Variants in TTC7B observed in about 807,000 individuals in gnomAD.
TTC7B encodes the protein tetratricopeptide repeat protein 7B.
Under a neutral mutation model 106.8 loss-of-function variants are expected in TTC7B, and 28 were observed. That is an observed-to-expected ratio of 0.26 (90% CI 0.19 to 0.36). The LOEUF (loss-of-function observed/expected upper bound fraction) is 0.36. Among genes scored for constraint, TTC7B ranks in the 10% least tolerant of loss-of-function variants. The pLI is 1.00. For synonymous variants in TTC7B, 405 were observed against 430.6 expected, an observed-to-expected ratio of 0.94 and a Z score of 0.74; for missense variants, 862 against 1,076.4, an observed-to-expected ratio of 0.80 and a Z score of 2.79.
intron 12 of TTC7B, 21 bp downstream of exon 12, chr14:90,654,972 T>G: frequency 6.5e-7 from 1 of 1,547,930 alleles, no homozygotes; most frequent in Non-Finnish European, 8.9e-7. Flanking sequence ...TCAGCAGCTG[T>G]GGGGGTGGGA....
In TTC7B at chr14:90,689,636, G is replaced by T. The variant is rs767851033; in HGVS notation, c.854C>A (p.Pro285Gln). The change falls in exon 7 of 20, where the codon CCA (proline) becomes CAA (glutamine). Residue 285 changes from proline to glutamine, a missense_variant. Coordinates refer to ENST00000328459, the MANE Select transcript of TTC7B (RefSeq NM_001010854.2). ...EQSYWNPLEDPPCQSPLDDPL... is the reference protein window; with the variant it reads ...EQSYWNPLEDQPCQSPLDDPL... ...ATCGTCCAGAGGTGACTGGCACGGT[G>T]GATCCTCCAGAGGGTTCCAGTAGCT... 67 of 1,614,026 alleles carry T rather than the reference G, an allele frequency of 4.2e-5. No homozygotes were observed. Among genetic ancestry groups the T allele is most frequent in the Non-Finnish European group, 4.9e-5 (58 of 1,180,006 alleles).
chr14:90,776,747 G>A (rs1891043030), intron 3 of TTC7B, among the ~76,000 whole-genome samples: 1 of 152,088 alleles, frequency 6.6e-6, no homozygotes, highest in South Asian at 2.1e-4. Context: ...AGGAACATGG[G>A]TGTCAGACTG....
At chr14:90,747,253 C>G (rs1333994926) in intron 3 of TTC7B, among the ~76,000 whole-genome samples, 1 of 152,208 alleles carries the variant, frequency 6.6e-6, no homozygotes, top group Admixed American at 6.5e-5. Context: ...AAAGTACTGT[C>G]ACACTCCGTT....
chr14:90,735,890 A>ATG (rs1183681425), intron 4 of TTC7B, among the ~76,000 whole-genome samples: 3 of 152,142 alleles, frequency 2.0e-5, no homozygotes, highest in Non-Finnish European at 4.4e-5. Context: ...ATTTACCTGA[A>ATG]AGTATTAGAA....
chr14:90,700,396 G>A (rs748439309), intron 5 of TTC7B, among the ~76,000 whole-genome samples: 13 of 152,030 alleles, frequency 8.6e-5, no homozygotes, highest in Non-Finnish European at 1.6e-4. Context: ...TTTCATTTGA[G>A]TTTATATCTG....
At position 90,676,601 on chromosome 14, in the gene TTC7B, A is replaced by G. The variant is rs1351917553; in HGVS notation, c.1074T>C (p.Ser358=). The G allele has an allele frequency of 3.1e-6, 5 of 1,614,160 alleles. No individual in the cohort carries two copies. Among genetic ancestry groups the G allele is most frequent in the Non-Finnish European group, 4.2e-6 (5 of 1,180,028 alleles). Residue 358 remains serine, a synonymous_variant, in exon 9 of 20, where the codon AGT becomes AGC. Transcript: ENST00000328459. The stretch of plus-strand genomic sequence containing the variant: ...CATAGACCACAGATGCACTCTGCAG[A>G]CTGATGAGGCGGTCACTCTTGTGTT... ...IPEHKSDRLI[S]LQSASVVYDL...
At chr14:90,574,474 C>G (rs1891173895) in intron 19 of TTC7B, among the ~76,000 whole-genome samples, 1 of 152,170 alleles carries the variant, frequency 6.6e-6, no homozygotes, top group African/African-American at 2.4e-5. Context: ...CTGCTCCCTT[C>G]TCACTACACA....
chr14:90,672,169 G>A (rs897126459), intron 9 of TTC7B, among the ~76,000 whole-genome samples: 4 of 152,226 alleles, frequency 2.6e-5, no homozygotes, highest in African/African-American at 9.6e-5. Flanking sequence ...GGGGACAAGA[G>A]AAGGAAGGAA....
intron 19 of TTC7B, among the ~76,000 whole-genome samples, chr14:90,573,400 A>G (rs962538035): frequency 1.1e-3 from 113 of 104,948 alleles, no homozygotes; most frequent in Middle Eastern, 0.017. Context: ...TCCGGCTCAC[A>G]GGCCCTCTCC....
intron 15 of TTC7B, among the ~76,000 whole-genome samples, chr14:90,629,549 C>G (rs1884600073): frequency 6.6e-6 from 1 of 152,202 alleles, no homozygotes; most frequent in South Asian, 2.1e-4. Context: ...ATTGCACAGA[C>G]AGGTATTAAT....
chr14:90,776,591 G>A (rs955363084), intron 3 of TTC7B, among the ~76,000 whole-genome samples: 4 of 152,148 alleles, frequency 2.6e-5, no homozygotes, highest in African/African-American at 4.8e-5. Context: ...GAGGAAACCC[G>A]GCAAAGGTGA....
chr14:90,558,309 T>C (rs1890411126), intron 19 of TTC7B, among the ~76,000 whole-genome samples: 1 of 152,218 alleles, frequency 6.6e-6, no homozygotes, highest in African/African-American at 2.4e-5. Context: ...CACAAACAGC[T>C]GCCAGGACGA....
intron 5 of TTC7B, among the ~76,000 whole-genome samples, chr14:90,725,325 A>G (rs1889053813): frequency 6.6e-6 from 1 of 152,134 alleles, no homozygotes; most frequent in Admixed American, 6.5e-5. Flanking sequence ...ATCACATGGG[A>G]TGTGGGAGCC....
At chr14:90,724,157 C>T (rs1889000276) in intron 5 of TTC7B, among the ~76,000 whole-genome samples, 1 of 152,194 alleles carries the variant, frequency 6.6e-6, no homozygotes, top group Non-Finnish European at 1.5e-5. Context: ...CTCCCCTTTC[C>T]AAATCACATG....
chr14:90,756,384 G>GTTTTTTT (rs369068692), intron 3 of TTC7B, among the ~76,000 whole-genome samples: 3 of 126,756 alleles, frequency 2.4e-5, no homozygotes, highest in Non-Finnish European at 4.7e-5. Flanking sequence ...TTTTTTTTTT[G>GTTTTTTT]TTTTTTTTTT....
chr14:90,612,000 C>T (rs1449694823), intron 16 of TTC7B, among the ~76,000 whole-genome samples: 2 of 152,134 alleles, frequency 1.3e-5, no homozygotes, highest in African/African-American at 4.8e-5. Flanking sequence ...AATAAGGAGA[C>T]ACAATTTCCT....
chr14:90,706,194 C>T (rs867346185), intron 5 of TTC7B, among the ~76,000 whole-genome samples: 4 of 144,224 alleles, frequency 2.8e-5, no homozygotes, highest in Admixed American at 1.4e-4. Flanking sequence ...GATGGAGTCT[C>T]GCTCTGTTGC....
Position 90,538,300 on chromosome 14 carries a change from G to GA in TTC7B, c.*3067_*3068insT, listed in dbSNP as rs1889470182. On this transcript the variant is annotated 3_prime_UTR_variant, in exon 20 of 20. Coordinates refer to ENST00000328459, the MANE Select transcript of TTC7B (RefSeq NM_001010854.2). ...GATGGATGGACGGACGGACGGACGG[G>GA]TGGACGGATGAATGGATGGATGGAT... is the stretch of plus-strand genomic sequence containing the variant. The GA allele has an allele frequency of 2.0e-5, 3 of 149,058 alleles. No individual in the cohort carries two copies. The highest frequency in any genetic ancestry group is 6.7e-5 in the Admixed American group (1 of 14,992). The allele number at this position is 149,058 out of a possible 1,614,324, so 9.2% of individuals were successfully genotyped here.
At chr14:90,803,998 C>G (rs1198899681) in intron 1 of TTC7B, among the ~76,000 whole-genome samples, 1 of 152,194 alleles carries the variant, frequency 6.6e-6, no homozygotes, top group African/African-American at 2.4e-5. Flanking sequence ...TCTCAGGAAG[C>G]CAGCTCCACA....
Sources: gnomAD v4.1 joint callset for allele counts (sites outside exome capture counted in the v4.1 genomes callset) on GRCh38, gnomAD v4.1.1 for gene constraint, MANE v1.5 for transcripts, NCBI Gene and HGNC (gene_info 2026-07-23, HGNC 2026-07-21) for gene names.